The following PDE1C variants were observed in gnomAD, a reference collection of about 807,000 sequenced individuals.
The protein encoded by PDE1C is dual specificity calcium/calmodulin-dependent 3',5'-cyclic nucleotide phosphodiesterase 1C.
A neutral mutation model predicts 93.1 loss-of-function variants in PDE1C; 62 were observed. The ratio of observed to expected loss-of-function variants is 0.67; its 90% CI spans 0.54 to 0.82. The LOEUF is 0.82. PDE1C is among the 40% of genes least tolerant of loss of function. PDE1C has a pLI of 0.00. For missense variants in PDE1C, 742 were observed against 884.6 expected (o/e 0.84, Z 2.04); for synonymous variants, 325 against 310.1 (o/e 1.05, Z -0.50).
chr7:32,372,350 A>G (rs193102420), intron 1 of PDE1C, among the ~76,000 whole-genome samples: 237 of 152,252 alleles, frequency 1.6e-3, no homozygotes, highest in African/African-American at 5.4e-3. Context: ...TACCATGCCC[A>G]GCCTAATTTT....
At chr7:31,625,828 T>A in the PDE1C span, among the ~76,000 whole-genome samples, 15,847 of 152,020 alleles carry the variant, frequency 0.1, 940 homozygotes, top group Middle Eastern at 0.17. Flanking sequence ...TCTTTTTTTT[T>A]AAATTTTTTC....
At chr7:31,649,796 C>A in the PDE1C span, among the ~76,000 whole-genome samples, 440 of 152,212 alleles carry the variant, frequency 2.9e-3, 1 homozygote, top group East Asian at 0.029. Context: ...ATCAGAGTGC[C>A]GGCAAATGGA....
chr7:32,098,730 T>C (rs1584759394), intron 3 of PDE1C, among the ~76,000 whole-genome samples: 1 of 152,226 alleles, frequency 6.6e-6, no homozygotes, highest in South Asian at 2.1e-4. Flanking sequence ...TCCAGACATA[T>C]ATCTTGGGCC....
At chr7:32,208,849 A>G (rs1250121883) in intron 2 of PDE1C, among the ~76,000 whole-genome samples, 2 of 152,202 alleles carry the variant, frequency 1.3e-5, no homozygotes, top group African/African-American at 4.8e-5. Flanking sequence ...CTGGAGACAA[A>G]GGAGTCAAGG....
At chr7:31,981,385 C>T (rs184118908) in intron 2 of PDE1C, among the ~76,000 whole-genome samples, 62 of 152,152 alleles carry the variant, frequency 4.1e-4, no homozygotes, top group South Asian at 1.2e-3. Context: ...TAAAGTTTGA[C>T]GATTTATATC....
intron 2 of PDE1C, among the ~76,000 whole-genome samples, chr7:31,991,898 A>G (rs17160757): frequency 0.072 from 10,922 of 152,252 alleles, 610 homozygotes; most frequent in East Asian, 0.32. Context: ...TGGCACACCA[A>G]TTCTGCAGTG....
intron 14 of PDE1C, among the ~76,000 whole-genome samples, chr7:31,817,787 C>T (rs977339187): frequency 2.0e-5 from 3 of 152,068 alleles, no homozygotes; most frequent in Non-Finnish European, 4.4e-5. Context: ...ATCATGTTTC[C>T]CTTTGTTTTA....
At chr7:31,855,707 TAAATAAAAAATAA>T (rs1160503026) in intron 7 of PDE1C, among the ~76,000 whole-genome samples, 12 of 94,300 alleles carry the variant, frequency 1.3e-4, no homozygotes, top group Non-Finnish European at 2.8e-4. Context: ...AAAAATAAAA[TAAATAAAAAATAA>T]AAATAAAAAA....
chr7:32,368,997 A>G (rs1009518551), intron 1 of PDE1C, among the ~76,000 whole-genome samples: 3 of 152,162 alleles, frequency 2.0e-5, no homozygotes, highest in African/African-American at 7.2e-5. Context: ...AATCAACTCA[A>G]TGGATCAAAG....
intron 1 of PDE1C, among the ~76,000 whole-genome samples, chr7:32,387,058 T>G (rs1043748180): frequency 6.6e-6 from 1 of 151,146 alleles, no homozygotes; most frequent in Admixed American, 6.6e-5. Context: ...GTACTTAAGA[T>G]TAGGGAGTGG....
rs573955234 is a variant in PDE1C, at chr7:32,110,998, A to T, written c.308+58787T>A. On this transcript the variant is annotated intron_variant, in intron 3 of 18. Transcript: ENST00000396193. ...CTGACACAAATTAAACTTGATAGTG[A>T]GGCCTTTCACAGACATACCACAGCA... is the stretch of plus-strand genomic sequence containing the variant. Among the ~76,000 whole-genome samples, 68 of 152,308 alleles carry T rather than the reference A, an allele frequency of 4.5e-4. 1 individual carries two copies. Among genetic ancestry groups the T allele is most frequent in the Middle Eastern group, 3.4e-3 (1 of 294 alleles).
intron 1 of PDE1C, among the ~76,000 whole-genome samples, chr7:32,231,246 C>A (rs17161066): frequency 0.11 from 15,983 of 152,148 alleles, 899 homozygotes; most frequent in East Asian, 0.13. Flanking sequence ...AAAGGATTTG[C>A]AATAGTGTTC....
intron 1 of PDE1C, among the ~76,000 whole-genome samples, chr7:32,361,763 G>A (rs1305622684): frequency 2.0e-5 from 3 of 152,132 alleles, no homozygotes; most frequent in Non-Finnish European, 4.4e-5. Context: ...AGTGACCACG[G>A]TGCATCTCAA....
the PDE1C span, among the ~76,000 whole-genome samples, chr7:31,691,643 G>A: frequency 1.3e-4 from 19 of 151,816 alleles, no homozygotes; most frequent in South Asian, 4.2e-4. Context: ...GGGTGGGGAC[G>A]GGGACAGATT....
intron 1 of PDE1C, among the ~76,000 whole-genome samples, chr7:32,405,627 G>A (rs562568540): frequency 6.6e-6 from 1 of 152,132 alleles, no homozygotes; most frequent in African/African-American, 2.4e-5. Flanking sequence ...ATTTATGCAG[G>A]GGTTTCACCT....
At chr7:32,014,951 A>G (rs948535772) in intron 2 of PDE1C, among the ~76,000 whole-genome samples, 13 of 152,074 alleles carry the variant, frequency 8.5e-5, no homozygotes, top group Non-Finnish European at 1.8e-4. Context: ...CAAGGGAGAG[A>G]CCAGGTGGAG....
At chr7:31,814,066 G>T (rs115527768) in intron 15 of PDE1C, among the ~76,000 whole-genome samples, 1 of 147,390 alleles carries the variant, frequency 6.8e-6, no homozygotes, top group African/African-American at 2.5e-5. Context: ...ACACACGCAC[G>T]CGTGCATATA....
At chr7:31,909,858 G>A (rs142671848) in intron 2 of PDE1C, among the ~76,000 whole-genome samples, 82 of 152,172 alleles carry the variant, frequency 5.4e-4, no homozygotes, top group African/African-American at 1.8e-3. Flanking sequence ...AGGAGTTTCC[G>A]CAAATTGGCA....
At chr7:32,354,920 ATCT>A (rs1486296656) in intron 1 of PDE1C, among the ~76,000 whole-genome samples, 12 of 152,300 alleles carry the variant, frequency 7.9e-5, no homozygotes, top group African/African-American at 2.6e-4. Flanking sequence ...TACATTCCAA[ATCT>A]TCTTTGCAAA....
Sources: allele counts gnomAD v4.1 joint callset (sites outside exome capture counted in the v4.1 genomes callset), GRCh38; gene constraint gnomAD v4.1.1; transcripts MANE v1.5; gene names NCBI Gene and HGNC (gene_info 2026-07-23, HGNC 2026-07-21).